Variants in PRMT9 observed in about 807,000 individuals in gnomAD.
PRMT9 encodes the protein protein arginine methyltransferase 9, also known as protein arginine N-methyltransferase 9.
A neutral mutation model predicts 83.2 loss-of-function variants in PRMT9; 59 were observed. The ratio of observed to expected loss-of-function variants is 0.71; its 90% CI spans 0.57 to 0.88. The LOEUF (loss-of-function observed/expected upper bound fraction) is 0.88, where lower values mean the gene tolerates loss of function less well. PRMT9 is among the 40% of genes least tolerant of loss of function. The pLI is 0.00. For synonymous variants in PRMT9, 333 were observed against 353.2 expected, an observed-to-expected ratio of 0.94 and a Z score of 0.64; for missense variants, 947 against 1,021.9, an observed-to-expected ratio of 0.93 and a Z score of 1.00.
intron 5 of PRMT9, among the ~76,000 whole-genome samples, chr4:147,669,257 T>C (rs192422138): frequency 6.6e-6 from 1 of 151,518 alleles, no homozygotes; most frequent in African/African-American, 2.4e-5. Flanking sequence ...ATTAGCCAAG[T>C]GTGGTGACAT....
chr4:147,665,124 C>CAAAA (rs370245859), intron 6 of PRMT9, among the ~76,000 whole-genome samples: 3 of 116,662 alleles, frequency 2.6e-5, no homozygotes, highest in Admixed American at 9.9e-5. Context: ...TCTGTCTAAA[C>CAAAA]AAAAAAAAAA....
intron 9 of PRMT9, among the ~76,000 whole-genome samples, chr4:147,648,079 T>C (rs1181091670): frequency 6.6e-6 from 1 of 152,198 alleles, no homozygotes; most frequent in African/African-American, 2.4e-5. Flanking sequence ...AAGATACATA[T>C]ATATCTGGTC....
At chr4:147,674,003 C>CTA (rs1735907557) in intron 2 of PRMT9, 129 bp from the exon 3 acceptor site, 1 of 754,436 alleles carries the variant, frequency 1.3e-6, no homozygotes. Flanking sequence ...AATCCAAGTG[C>CTA]TACCTCTTTT....
At position 147,683,790 on chromosome 4, in the gene PRMT9, G is replaced by A; in HGVS notation, c.189+9C>T. On this transcript the variant is annotated intron_variant, in intron 1 of 11. Transcript: ENST00000322396. ...GATCTGCCAGCAAGTGAGAAAAAAG[G>A]ACCCTCACCTTCACGTCGTGTTTCA... 6.4e-7 allele frequency: 1 copy of A among 1,559,568 alleles called. No individual in the cohort carries two copies. Among genetic ancestry groups the A allele is most frequent in the East Asian group, 2.4e-5 (1 of 41,102 alleles).
chr4:147,654,437 T>C lies in PRMT9; in HGVS notation c.1460A>G (p.Asn487Ser). The C allele has an allele frequency of 6.2e-7, 1 of 1,614,120 alleles. No individual in the cohort carries two copies. The highest frequency in any genetic ancestry group is 1.1e-5 in the South Asian group (1 of 91,086). Residue 487 changes from asparagine (N) to serine (S), a missense_variant, in exon 9 of 12, where the codon AAT (asparagine) becomes AGT (serine). By Grantham distance (46) the Asn-to-Ser change is conservative. Transcript: ENST00000322396. ...EMDVAKSFTQ[N>S]KDLLSLGNEA... ...ATTTCCTAACGATAACAAGTCTTTATTCTGGGTAAAACTTTTTGCAACATC... is the reference window on the plus strand; with the variant it reads ...ATTTCCTAACGATAACAAGTCTTTACTCTGGGTAAAACTTTTTGCAACATC...
intron 9 of PRMT9, among the ~76,000 whole-genome samples, chr4:147,644,771 G>A (rs1176848145): frequency 6.6e-6 from 1 of 152,146 alleles, no homozygotes; most frequent in African/African-American, 2.4e-5. Flanking sequence ...ACCTACCTAT[G>A]TAATCTTGTT....
At position 147,683,805 on chromosome 4, in the gene PRMT9, G is replaced by C; in HGVS notation, c.183C>G (p.Asp61Glu). ...GAGAAAAAAGGACCCTCACCTTCAC[G>C]TCGTGTTTCAGCTCCGGCGCCAGGC... is the stretch of plus-strand genomic sequence containing the variant. ...VLSLAPELKHDVKETFQYTLF... is the reference protein window; with the variant it reads ...VLSLAPELKHEVKETFQYTLF... Residue 61 changes from aspartate to glutamate, a missense_variant, in exon 1 of 12, where the codon GAC becomes GAG. By Grantham distance (45) the Asp-to-Glu change is conservative. Transcript: ENST00000322396. The C allele has an allele frequency of 6.4e-7, 1 of 1,571,284 alleles. No homozygotes were observed. Among genetic ancestry groups the C allele is most frequent in the South Asian group, 1.1e-5 (1 of 90,498 alleles).
At position 147,670,743 on chromosome 4, in the gene PRMT9, T is replaced by A. The variant is rs770686854; in HGVS notation, c.744A>T (p.Arg248Ser). Residue 248 changes from arginine to serine, a missense_variant and splice_region_variant, in exon 5 of 12, where the codon AGA (arginine) becomes AGT (serine). Coordinates refer to ENST00000322396, the MANE Select transcript of PRMT9 (RefSeq NM_138364.4). ...CAGTTTCTGTTACAACTAGGGACAC[T>A]CTATAGAATGATTTTTTAAAGATAT... Reference protein sequence around the residue: ...DIEIPKHIPERVSLVVTETVD... With the variant: ...DIEIPKHIPESVSLVVTETVD... The A allele has an allele frequency of 2.5e-6, 4 of 1,586,330 alleles. No homozygotes were observed. In the African/African-American group the frequency reaches 5.4e-5, roughly 21 times the overall value.
chr4:147,641,862 A>G (rs1360900674), intron 10 of PRMT9, among the ~76,000 whole-genome samples: 1 of 152,056 alleles, frequency 6.6e-6, no homozygotes, highest in African/African-American at 2.4e-5. Context: ...GGGTTTCCCC[A>G]TGTTGCCCAG....
At chr4:147,679,722 C>A (rs183477514) in intron 2 of PRMT9, among the ~76,000 whole-genome samples, 207 of 152,272 alleles carry the variant, frequency 1.4e-3, no homozygotes, top group African/African-American at 4.8e-3. Context: ...TTCACTCCAG[C>A]CTGGGCTACA....
At chr4:147,679,706 C>T (rs1263293104) in intron 2 of PRMT9, among the ~76,000 whole-genome samples, 1 of 152,098 alleles carries the variant, frequency 6.6e-6, no homozygotes, top group Non-Finnish European at 1.5e-5. Flanking sequence ...GCTGAGATCA[C>T]GCCACTTCAC....
chr4:147,668,001 A>AAAAG (rs138806070), intron 6 of PRMT9, among the ~76,000 whole-genome samples: 543 of 150,558 alleles, frequency 3.6e-3, no homozygotes, highest in African/African-American at 0.01. Flanking sequence ...GCAAAAAAAA[A>AAAAG]AATAAGACCA....
At position 147,660,982 on chromosome 4, in the gene PRMT9, C is replaced by G. The variant is rs527651670; in HGVS notation, c.1010G>C (p.Ser337Thr). The G allele has an allele frequency of 1.2e-6, 2 of 1,613,278 alleles. No homozygotes were observed. The highest frequency in any genetic ancestry group is 2.7e-5 in the African/African-American group (2 of 75,028). Residue 337 changes from serine (S) to threonine (T), a missense_variant, in exon 7 of 12, where the codon AGT becomes ACT. By Grantham distance (58) the Ser-to-Thr change is moderately conservative (BLOSUM62 1). Coordinates refer to ENST00000322396, the MANE Select transcript of PRMT9 (RefSeq NM_138364.4). ...AGTATCTACAGAAGAATAAGCCGGA[C>G]TCTGAAATTTCACATTTGTTGGCAA... ...IHLPTNVKFQ[S>T]PAYSSVDTEE...
At chr4:147,660,690 CA>C (rs1734891012) in intron 7 of PRMT9, among the ~76,000 whole-genome samples, 155 bp downstream of exon 7, 1 of 152,082 alleles carries the variant, frequency 6.6e-6, no homozygotes, top group Admixed American at 6.6e-5. Context: ...CAAATAATTT[CA>C]GGAAGAAATT....
At chr4:147,682,050 G>T (rs573644282) in intron 1 of PRMT9, among the ~76,000 whole-genome samples, 1 of 152,308 alleles carries the variant, frequency 6.6e-6, no homozygotes, top group Non-Finnish European at 1.5e-5. Context: ...CTGTCGCCCA[G>T]GCTGGAGTGC....
intron 6 of PRMT9, among the ~76,000 whole-genome samples, chr4:147,665,398 A>G (rs1024104151): frequency 6.6e-6 from 1 of 152,184 alleles, no homozygotes; most frequent in Non-Finnish European, 1.5e-5. Flanking sequence ...AGATACATAG[A>G]AATTCAGGGA....
chr4:147,653,624 G>C (rs1447771904), intron 9 of PRMT9, among the ~76,000 whole-genome samples: 2 of 151,940 alleles, frequency 1.3e-5, no homozygotes, highest in Non-Finnish European at 2.9e-5. Context: ...AAGAATTATG[G>C]GAACGTGTCA....
intron 6 of PRMT9, among the ~76,000 whole-genome samples, chr4:147,664,469 A>G (rs1247880309): frequency 6.6e-6 from 1 of 152,196 alleles, no homozygotes; most frequent in Non-Finnish European, 1.5e-5. Context: ...AATGGTCCCA[A>G]CTAGGGTTTG....
chr4:147,657,881 A>G lies in PRMT9; in HGVS notation c.1241T>C (p.Leu414Pro). Residue 414 changes from leucine to proline, a missense_variant, in exon 8 of 12, where the codon CTC becomes CCC. Coordinates refer to ENST00000322396, the MANE Select transcript of PRMT9 (RefSeq NM_138364.4). Reference protein sequence around the residue: ...ILDAIMVWFVLQLDDEHSLST... With the variant: ...ILDAIMVWFVPQLDDEHSLST... ...TAAACTATGTTCATCATCAAGCTGG[A>G]GCACAAACCAAACCATAATAGCATC... 1 of 1,610,282 alleles carries G rather than the reference A, an allele frequency of 6.2e-7. No individual in the cohort carries two copies. The highest frequency in any genetic ancestry group is 1.1e-5 in the South Asian group (1 of 90,754).
Sources: gnomAD v4.1 joint callset for allele counts (sites outside exome capture counted in the v4.1 genomes callset) on GRCh38, gnomAD v4.1.1 for gene constraint, MANE v1.5 for transcripts, NCBI Gene and HGNC (gene_info 2026-07-23, HGNC 2026-07-21) for gene names.